Variants in MGMT observed in about 807,000 individuals in gnomAD.
MGMT encodes methylated-DNA--protein-cysteine methyltransferase.
Under a neutral mutation model 15.9 loss-of-function variants are expected in MGMT, and 14 were observed. The observed-to-expected ratio is 0.88, with a 90% confidence interval of 0.58 to 1.37. The LOEUF is 1.37. Ranked by LOEUF, MGMT falls within the 40% of genes most tolerant of loss-of-function variation. The pLI is 0.00. For synonymous variants in MGMT, 130 were observed against 118.2 expected (o/e 1.10, Z -0.65); for missense variants, 282 against 268.1 (o/e 1.05, Z -0.36).
intron 2 of MGMT, among the ~76,000 whole-genome samples, chr10:129,661,817 A>G (rs2133106097): frequency 6.6e-6 from 1 of 152,316 alleles, no homozygotes; most frequent in South Asian, 2.1e-4. Flanking sequence ...GTTTTGTTTT[A>G]ATATTTTTAA....
chr10:129,600,371 A>G (rs1846805813), intron 2 of MGMT, among the ~76,000 whole-genome samples: 2 of 152,240 alleles, frequency 1.3e-5, no homozygotes, highest in Non-Finnish European at 1.5e-5. Context: ...GAGATTCTCT[A>G]GTAGGTAGAG....
intron 2 of MGMT, among the ~76,000 whole-genome samples, chr10:129,699,844 C>G (rs1205825590): frequency 6.6e-6 from 1 of 152,040 alleles, no homozygotes; most frequent in Non-Finnish European, 1.5e-5. Context: ...TATATGATGT[C>G]CTTTTGTACA....
chr10:129,732,802 G>A (rs2133164134), intron 3 of MGMT, among the ~76,000 whole-genome samples: 1 of 146,602 alleles, frequency 6.8e-6, no homozygotes, highest in Non-Finnish European at 1.5e-5. Context: ...GTGAGAATAT[G>A]CAGTGTTTGG....
chr10:129,598,018 T>C (rs1188086140), intron 2 of MGMT, among the ~76,000 whole-genome samples: 2 of 152,184 alleles, frequency 1.3e-5, no homozygotes, highest in Non-Finnish European at 2.9e-5. Context: ...TCTCGGCCCC[T>C]GGGCCTGCTC....
chr10:129,657,410 G>C (rs529445363), intron 2 of MGMT, among the ~76,000 whole-genome samples: 2 of 141,510 alleles, frequency 1.4e-5, no homozygotes, highest in East Asian at 2.0e-4. Context: ...TGTGGGGGTG[G>C]GGGGGGGAGC....
At chr10:129,747,635 C>T (rs368872649) in intron 3 of MGMT, among the ~76,000 whole-genome samples, 2 of 152,124 alleles carry the variant, frequency 1.3e-5, no homozygotes, top group South Asian at 2.1e-4. Context: ...TACATTAGTA[C>T]GGTACATGTG....
At chr10:129,616,182 G>A (rs142772172) in intron 2 of MGMT, among the ~76,000 whole-genome samples, 6,124 of 152,312 alleles carry the variant, frequency 0.04, 148 homozygotes, top group Admixed American at 0.068. Context: ...GCGGCGATTG[G>A]ATTGGAGAAC....
chr10:129,768,074 A>G lies in MGMT; in HGVS notation c.*1077A>G, dbSNP rs1260612175. ...GCACCCAGCTGTGCACTAGAGCGCC[A>G]TGTTCTTACCCAGCATTCCTTGCCA... is the stretch of plus-strand genomic sequence containing the variant. On this transcript the variant is annotated 3_prime_UTR_variant, in exon 5 of 5. Transcript: ENST00000651593. 1 of 152,254 alleles carries G rather than the reference A, an allele frequency of 6.6e-6. No individual in the cohort carries two copies. Among genetic ancestry groups the G allele is most frequent in the African/African-American group, 2.4e-5 (1 of 41,468 alleles). 9.4% of individuals were successfully genotyped at this position (152,254 alleles called of 1,614,324 possible).
At chr10:129,700,939 C>T (rs1564766012) in intron 2 of MGMT, 1 of 152,214 alleles carries the variant, frequency 6.6e-6, no homozygotes, top group East Asian at 1.9e-4. Context: ...AGGCATGTTC[C>T]TTCCTACATG....
At chr10:129,594,557 T>A (rs1175238709) in intron 2 of MGMT, among the ~76,000 whole-genome samples, 1 of 152,168 alleles carries the variant, frequency 6.6e-6, no homozygotes. Context: ...TTCAAAGGGC[T>A]TTGGATGGAA....
At chr10:129,615,314 T>C (rs1320007832) in intron 2 of MGMT, among the ~76,000 whole-genome samples, 1 of 152,206 alleles carries the variant, frequency 6.6e-6, no homozygotes, top group Non-Finnish European at 1.5e-5. Context: ...GCCTCCCTGG[T>C]GAGGTGTGGG....
At chr10:129,693,194 G>A (rs1040770387) in intron 2 of MGMT, among the ~76,000 whole-genome samples, 3 of 152,224 alleles carry the variant, frequency 2.0e-5, no homozygotes, top group Non-Finnish European at 4.4e-5. Context: ...ATACAAACAG[G>A]TGGAGGATTT....
At chr10:129,632,132 A>G (rs769956964) in intron 2 of MGMT, among the ~76,000 whole-genome samples, 2 of 152,242 alleles carry the variant, frequency 1.3e-5, no homozygotes, top group Non-Finnish European at 2.9e-5. Context: ...CTTTTTATGC[A>G]CCAGCGTATG....
At chr10:129,674,518 G>C (rs928798427) in intron 2 of MGMT, among the ~76,000 whole-genome samples, 2 of 152,176 alleles carry the variant, frequency 1.3e-5, no homozygotes, top group East Asian at 3.9e-4. Flanking sequence ...GGACCCCCTT[G>C]CTTATCTTTG....
chr10:129,518,468 C>T (rs1845765773), intron 1 of MGMT, among the ~76,000 whole-genome samples: 1 of 146,750 alleles, frequency 6.8e-6, no homozygotes, highest in Non-Finnish European at 1.5e-5. Flanking sequence ...GCAAGACTGC[C>T]CCTGCCCCTC....
At position 129,594,102 on chromosome 10, in the gene MGMT, G is replaced by C. The variant is rs555352095; in HGVS notation, c.125+57725G>C. Among the ~76,000 whole-genome samples the C allele has an allele frequency of 3.3e-5, 5 of 152,292 alleles. 1 individual carries two copies. The South Asian group carries it at 1.0e-3, about 32-fold the overall frequency. ...AAGAATTCACCTCTGAGTGATCTGTGGGGGCAGCCCTGTGTTGGTGCCTGA... is the reference window on the plus strand; with the variant it reads ...AAGAATTCACCTCTGAGTGATCTGTCGGGGCAGCCCTGTGTTGGTGCCTGA... On this transcript the variant is annotated intron_variant, in intron 2 of 4. Transcript: ENST00000651593.
chr10:129,593,205 CAGG>C (rs1419371807), intron 2 of MGMT, among the ~76,000 whole-genome samples: 1 of 152,146 alleles, frequency 6.6e-6, no homozygotes, highest in East Asian at 1.9e-4. Context: ...GTTATCCGGA[CAGG>C]AGATTTCAGC....
intron 2 of MGMT, among the ~76,000 whole-genome samples, chr10:129,554,473 C>T (rs996827164): frequency 5.3e-5 from 8 of 152,020 alleles, no homozygotes; most frequent in African/African-American, 9.7e-5. Context: ...AGGCCTGTTG[C>T]GTGGTTGTAC....
At chr10:129,672,131 TTC>T (rs1305246851) in intron 2 of MGMT, among the ~76,000 whole-genome samples, 5 of 152,232 alleles carry the variant, frequency 3.3e-5, no homozygotes, top group African/African-American at 1.2e-4. Flanking sequence ...TGGTTTCAGT[TTC>T]TTTTTTAGAA....
Sources: allele counts gnomAD v4.1 joint callset (sites outside exome capture counted in the v4.1 genomes callset), GRCh38; gene constraint gnomAD v4.1.1; transcripts MANE v1.5; gene names NCBI Gene and HGNC (gene_info 2026-07-23, HGNC 2026-07-21).